Variants in BEND7 observed in about 807,000 individuals in gnomAD.
The protein encoded by BEND7 is BEN domain containing 7.
A neutral mutation model predicts 50.9 loss-of-function variants in BEND7; 28 were observed. The ratio of observed to expected loss-of-function variants is 0.55; its 90% CI spans 0.41 to 0.75. The LOEUF (loss-of-function observed/expected upper bound fraction) is 0.75. BEND7 is among the 30% of genes least tolerant of loss of function. The pLI, the probability that BEND7 is intolerant of heterozygous loss-of-function variation, is 0.00. For synonymous variants in BEND7, 170 were observed against 183.9 expected, an observed-to-expected ratio of 0.92 and a Z score of 0.61; for missense variants, 477 against 491.3, an observed-to-expected ratio of 0.97 and a Z score of 0.28.
chr10:13,495,677 T>G (rs2076974814), intron 4 of BEND7, among the ~76,000 whole-genome samples: 1 of 152,190 alleles, frequency 6.6e-6, no homozygotes, highest in Non-Finnish European at 1.5e-5. Flanking sequence ...AAAAAGATGC[T>G]GTTTTTCAGA....
chr10:13,524,300 A>G lies in BEND7; in HGVS notation c.145+1838T>C, dbSNP rs528817775. Among the ~76,000 whole-genome samples the G allele has an allele frequency of 7.2e-5, 11 of 152,310 alleles. No homozygotes were observed. In the South Asian group the frequency reaches 2.3e-3, roughly 32 times the overall value. On this transcript the variant is annotated intron_variant, in intron 2 of 8. Transcript: ENST00000466271. ...ACGTAAATTTTCTACTAAAGGGTAA[A>G]TTCGTTATTTCGAATGGCTATATAG... is the stretch of plus-strand genomic sequence containing the variant.
intron 6 of BEND7, chr10:13,460,133 T>C (rs1405061321): frequency 6.5e-6 from 1 of 152,684 alleles, no homozygotes; most frequent in Admixed American, 6.5e-5. Context: ...GCGAGTAGCA[T>C]GATGCACCTA....
intron 5 of BEND7, among the ~76,000 whole-genome samples, chr10:13,484,617 T>C (rs756324): frequency 0.11 from 17,165 of 152,284 alleles, 1,016 homozygotes; most frequent in African/African-American, 0.16. Flanking sequence ...CACAATTTGA[T>C]ACTCAAGCCA....
At chr10:13,478,424 A>G (rs1277685664) in intron 6 of BEND7, among the ~76,000 whole-genome samples, 1 of 152,238 alleles carries the variant, frequency 6.6e-6, no homozygotes, top group African/African-American at 2.4e-5. Context: ...TTCAAGAGCA[A>G]CAGGTAATAA....
chr10:13,473,861 G>A (rs910162331), intron 6 of BEND7, among the ~76,000 whole-genome samples: 13 of 150,334 alleles, frequency 8.6e-5, no homozygotes, highest in African/African-American at 2.9e-4. Flanking sequence ...CATCATCGCT[G>A]TTAGACTTGG....
In BEND7 at chr10:13,505,575, C is replaced by CT. The variant is rs1301498445; in HGVS notation, c.146-5496dup. Among the ~76,000 whole-genome samples the CT allele has an allele frequency of 6.6e-5, 10 of 152,340 alleles. No individual in the cohort carries two copies. The East Asian group carries it at 1.9e-3, about 29-fold the overall frequency. On this transcript the variant is annotated intron_variant, in intron 2 of 8. Coordinates refer to ENST00000466271, the MANE Select transcript of BEND7 (RefSeq NM_001369863.1). The stretch of plus-strand genomic sequence containing the variant: ...TCCATAAGTACTAAAACTTCTTAAA[C>CT]TCTCACACTGTGCTTGTGCCATTAA...
intron 2 of BEND7, among the ~76,000 whole-genome samples, chr10:13,503,583 C>T (rs1446289394): frequency 1.3e-5 from 2 of 152,154 alleles, no homozygotes; most frequent in South Asian, 2.1e-4. Flanking sequence ...CGTGGCAGCG[C>T]GCGCCTGTAG....
intron 6 of BEND7, among the ~76,000 whole-genome samples, chr10:13,479,410 A>G (rs1465419509): frequency 1.3e-5 from 2 of 152,136 alleles, no homozygotes; most frequent in African/African-American, 4.8e-5. Context: ...TTTACTATCT[A>G]TTATTAGGAT....
chr10:13,503,385 C>T (rs2077625058), intron 2 of BEND7, among the ~76,000 whole-genome samples: 1 of 152,168 alleles, frequency 6.6e-6, no homozygotes, highest in South Asian at 2.1e-4. Flanking sequence ...AAGCTCACGG[C>T]CTAGCTCACT....
chr10:13,525,095 C>T (rs1048209550), intron 2 of BEND7, among the ~76,000 whole-genome samples: 6 of 152,130 alleles, frequency 3.9e-5, no homozygotes, highest in Admixed American at 2.0e-4. Flanking sequence ...TAATCGTTCT[C>T]GCTCTGACCT....
intron 3 of BEND7, 47 bp from the exon 4 acceptor site, chr10:13,496,935 A>G: frequency 1.3e-6 from 2 of 1,500,072 alleles, no homozygotes; most frequent in Non-Finnish European, 8.8e-7. Context: ...AACCAAAAAA[A>G]AAAAAAAAAA....
intron 6 of BEND7, among the ~76,000 whole-genome samples, chr10:13,453,843 TA>T: frequency 6.6e-6 from 1 of 152,356 alleles, no homozygotes; most frequent in South Asian, 2.1e-4. Flanking sequence ...TTTTGAGAAA[TA>T]AGAGTAATAT....
chr10:13,470,481 T>C (rs1016165489), intron 6 of BEND7, among the ~76,000 whole-genome samples: 1 of 152,274 alleles, frequency 6.6e-6, no homozygotes, highest in Non-Finnish European at 1.5e-5. Flanking sequence ...AACGGGGAGT[T>C]GGAGTGGAAT....
downstream of BEND7, chr10:13,438,973 C>T: frequency 1.7e-6 from 1 of 571,734 alleles, no homozygotes; most frequent in East Asian, 3.1e-5. Flanking sequence ...GACTCACTGT[C>T]GTCAGAATGA....
In BEND7 at chr10:13,522,536, TAAACCA is replaced by T. The variant is rs553854558; in HGVS notation, c.145+3596_145+3601del. On this transcript the variant is annotated intron_variant, in intron 2 of 8. Transcript: ENST00000466271. ...AGAAGACAGATGTGAAAGCACTTTC[TAAACCA>T]TAAGTGCAACACTCATGGTCGAGCT... 2.8e-3 allele frequency among the ~76,000 whole-genome samples: 427 copies of T among 152,332 alleles called. 1 individual carries two copies. The highest frequency in any genetic ancestry group is 6.2e-3 in the African/African-American group (256 of 41,564).
chr10:13,479,336 T>C (rs1305496212), intron 6 of BEND7, among the ~76,000 whole-genome samples: 3 of 152,122 alleles, frequency 2.0e-5, no homozygotes, highest in African/African-American at 7.2e-5. Flanking sequence ...AACTCTTGCA[T>C]GTCTAGTGTA....
chr10:13,477,844 T>A (rs2075570569), intron 6 of BEND7, among the ~76,000 whole-genome samples: 1 of 152,220 alleles, frequency 6.6e-6, no homozygotes, highest in African/African-American at 2.4e-5. Flanking sequence ...CTATGCCTCT[T>A]CACTCATCCC....
Position 13,441,721 on chromosome 10 carries a change from A to G in BEND7, c.*22T>C. 6.2e-7 allele frequency: 1 copy of G among 1,613,972 alleles called. No homozygotes were observed. Among genetic ancestry groups the G allele is most frequent in the Non-Finnish European group, 8.5e-7 (1 of 1,179,920 alleles). On this transcript the variant is annotated 3_prime_UTR_variant, in exon 9 of 9. Transcript: ENST00000466271. ...AAACCCATGGTGCAAAAAACACAAG[A>G]GCTGTGGTTTGCAGTCCTTCATCAG...
chr10:13,497,033 G>A (rs1315222874), intron 3 of BEND7, 145 bp from the exon 4 acceptor site: 21 of 977,426 alleles, frequency 2.1e-5, no homozygotes, highest in Non-Finnish European at 2.6e-5. Flanking sequence ...TAAGGAAAAC[G>A]TACCCACTAA....
Sources: allele counts gnomAD v4.1 joint callset (sites outside exome capture counted in the v4.1 genomes callset), GRCh38; gene constraint gnomAD v4.1.1; transcripts MANE v1.5; gene names NCBI Gene and HGNC (gene_info 2026-07-23, HGNC 2026-07-21).